Variants in OR9Q1 observed in about 807,000 individuals in gnomAD.
OR9Q1 encodes olfactory receptor family 9 subfamily Q member 1, also known as olfactory receptor 9Q1.
For missense variants in OR9Q1, 374 were observed against 378.8 expected (o/e 0.99, Z 0.11); for synonymous variants, 153 against 148.6 (o/e 1.03, Z -0.22).
In OR9Q1 at chr11:58,180,151, C is replaced by A. The variant is rs1854649564; in HGVS notation, c.707C>A (p.Thr236Asn). The A allele has an allele frequency of 3.1e-6, 5 of 1,613,940 alleles. No homozygotes were observed. The South Asian group carries it at 3.3e-5, about 11-fold the overall frequency. Residue 236 changes from threonine (T) to asparagine (N), a missense_variant, in exon 3 of 3, where the codon ACC becomes AAC. By Grantham distance (65) the Thr-to-Asn change is moderately conservative. Coordinates refer to ENST00000335397, the MANE Select transcript of OR9Q1 (RefSeq NM_001005212.4). ...ATCCCTGCTGGAAGCCAGGCCAAGA[C>A]CTTCTCCACCTGCACCTCCCACCTC... The part of the protein sequence containing the change: ...MGIPAGSQAK[T>N]FSTCTSHLTA...
chr11:58,036,297 A>T (rs1853100131), intron 1 of OR9Q1, among the ~76,000 whole-genome samples: 1 of 152,216 alleles, frequency 6.6e-6, no homozygotes, highest in Non-Finnish European at 1.5e-5. Context: ...ATTGAGACCT[A>T]CTGCTCGGGA....
chr11:58,120,760 A>G (rs1278184348), intron 2 of OR9Q1, among the ~76,000 whole-genome samples: 2 of 149,010 alleles, frequency 1.3e-5, no homozygotes, highest in Non-Finnish European at 3.0e-5. Context: ...CTTTGTTAAT[A>G]TTGCTATCTT....
chr11:58,056,447 G>A (rs1853329301), intron 2 of OR9Q1, among the ~76,000 whole-genome samples: 2 of 152,140 alleles, frequency 1.3e-5, no homozygotes, highest in Non-Finnish European at 2.9e-5. Context: ...TCTGTGTGAT[G>A]TGTGAATTAA....
At chr11:58,044,874 A>G (rs1193487321) in intron 1 of OR9Q1, 1 of 152,214 alleles carries the variant, frequency 6.6e-6, no homozygotes, top group African/African-American at 2.4e-5. Flanking sequence ...AAATGGAGAT[A>G]TAGATGGGGC....
intron 2 of OR9Q1, among the ~76,000 whole-genome samples, chr11:58,076,453 CCA>C (rs1853539820): frequency 6.6e-6 from 1 of 152,156 alleles, no homozygotes; most frequent in Non-Finnish European, 1.5e-5. Context: ...GACTTAGAAG[CCA>C]CCATTAGGTC....
chr11:58,082,841 A>G (rs1019091698), intron 2 of OR9Q1, among the ~76,000 whole-genome samples: 3 of 149,342 alleles, frequency 2.0e-5, no homozygotes, highest in Non-Finnish European at 4.4e-5. Flanking sequence ...TATGTGCACA[A>G]TGTGCAGGTT....
intron 2 of OR9Q1, among the ~76,000 whole-genome samples, chr11:58,087,359 T>C (rs1853643941): frequency 6.6e-6 from 1 of 151,856 alleles, no homozygotes; most frequent in Non-Finnish European, 1.5e-5. Context: ...TTTTCCTTTA[T>C]ATACCTGGAA....
chr11:58,118,813 G>T, intron 2 of OR9Q1: 1 of 1,614,072 alleles, frequency 6.2e-7, no homozygotes, highest in African/African-American at 1.3e-5. Flanking sequence ...GATGACGGAG[G>T]CATTGGCCAA....
intron 2 of OR9Q1, among the ~76,000 whole-genome samples, chr11:58,178,143 A>T (rs1202761898): frequency 1.3e-5 from 2 of 152,208 alleles, no homozygotes; most frequent in Non-Finnish European, 2.9e-5. Context: ...AGAAATAAGC[A>T]GAGGAGATCT....
intron 2 of OR9Q1, among the ~76,000 whole-genome samples, chr11:58,107,251 A>G (rs1853850331): frequency 6.6e-6 from 1 of 152,064 alleles, no homozygotes; most frequent in Non-Finnish European, 1.5e-5. Flanking sequence ...TCCTAATGCT[A>G]TCCCTTCCCC....
At chr11:58,077,379 A>G (rs1049689056) in intron 2 of OR9Q1, 1 of 152,234 alleles carries the variant, frequency 6.6e-6, no homozygotes, top group Non-Finnish European at 1.5e-5. Context: ...GAAGTTACCT[A>G]TGGCCTTTTT....
intron 1 of OR9Q1, among the ~76,000 whole-genome samples, chr11:58,047,801 T>C (rs1853233711): frequency 6.6e-6 from 1 of 151,828 alleles, no homozygotes; most frequent in Non-Finnish European, 1.5e-5. Flanking sequence ...GAAGAATCGC[T>C]TGAACTCAGA....
chr11:58,048,694 A>ATATT (rs1464065123), intron 1 of OR9Q1, among the ~76,000 whole-genome samples: 215 of 145,918 alleles, frequency 1.5e-3, no homozygotes, highest in Non-Finnish European at 2.0e-3. Flanking sequence ...ATATATATAT[A>ATATT]TTTTTTAGCA....
intron 2 of OR9Q1, among the ~76,000 whole-genome samples, chr11:58,139,333 G>A (rs1217158751): frequency 6.6e-6 from 1 of 150,868 alleles, no homozygotes; most frequent in African/African-American, 2.4e-5. Flanking sequence ...TGCACAATGT[G>A]CAGGTTTGTT....
intron 1 of OR9Q1, chr11:58,031,287 G>T: frequency 6.2e-7 from 1 of 1,613,914 alleles, no homozygotes; most frequent in Non-Finnish European, 8.5e-7. Context: ...ACCTTTCTTG[G>T]GGCAACTGAG....
chr11:58,141,842 G>T (rs1480583841), intron 2 of OR9Q1, among the ~76,000 whole-genome samples: 1 of 152,084 alleles, frequency 6.6e-6, no homozygotes, highest in Non-Finnish European at 1.5e-5. Context: ...TTTGTGCTGG[G>T]TGATCTTAGG....
intron 2 of OR9Q1, among the ~76,000 whole-genome samples, chr11:58,099,618 C>G (rs1853764948): frequency 6.6e-6 from 1 of 151,964 alleles, no homozygotes; most frequent in African/African-American, 2.4e-5. Flanking sequence ...GAACTGTGTC[C>G]CTTGCAAGTA....
intron 2 of OR9Q1, among the ~76,000 whole-genome samples, chr11:58,157,582 A>G (rs565613464): frequency 6.6e-6 from 1 of 152,236 alleles, no homozygotes; most frequent in African/African-American, 2.4e-5. Context: ...GGAAGGAAGG[A>G]TGGAAGGAAG....
At chr11:58,033,226 C>T (rs1213025763) in intron 1 of OR9Q1, among the ~76,000 whole-genome samples, 1 of 152,164 alleles carries the variant, frequency 6.6e-6, no homozygotes, top group Non-Finnish European at 1.5e-5. Flanking sequence ...AATAGAACTG[C>T]TATTCAAGCC....
Sources: gnomAD v4.1 joint callset for allele counts (sites outside exome capture counted in the v4.1 genomes callset) on GRCh38, gnomAD v4.1.1 for gene constraint, MANE v1.5 for transcripts, NCBI Gene and HGNC (gene_info 2026-07-23, HGNC 2026-07-21) for gene names.